The following ANK2 variants were observed in gnomAD, a reference collection of about 807,000 sequenced individuals.
ANK2 encodes the protein ankyrin 2.
A neutral mutation model predicts 360.5 loss-of-function variants in ANK2; 83 were observed. The ratio of observed to expected loss-of-function variants is 0.23; its 90% CI spans 0.19 to 0.28. The LOEUF is 0.28. ANK2 is among the 10% of genes least tolerant of loss of function. The probability of loss-of-function intolerance (pLI) is 1.00; values close to 1 mark genes in which losing one functional copy is unlikely to be tolerated. For missense variants in ANK2, 4,201 were observed against 4,795.7 expected (o/e 0.88, Z 3.66); for synonymous variants, 1,740 against 1,759.5 (o/e 0.99, Z 0.28).
intron 2 of ANK2, among the ~76,000 whole-genome samples, chr4:113,008,109 C>CTTTT (rs57567947): frequency 2.1e-5 from 3 of 143,974 alleles, no homozygotes; most frequent in African/African-American, 7.6e-5. Flanking sequence ...TAAGCTTTTC[C>CTTTT]TTTTTTTTTT....
intron 1 of ANK2, among the ~76,000 whole-genome samples, chr4:113,142,974 T>C (rs1174949311): frequency 6.7e-6 from 1 of 150,008 alleles, no homozygotes; most frequent in Non-Finnish European, 1.5e-5. Context: ...CTTAAATATG[T>C]TTAAAATTAT....
At chr4:112,938,648 A>G (rs1581528480) in intron 2 of ANK2, among the ~76,000 whole-genome samples, 1 of 152,256 alleles carries the variant, frequency 6.6e-6, no homozygotes, top group East Asian at 1.9e-4. Context: ...TATTCGGCTC[A>G]ATCAGACATT....
chr4:113,304,961 C>A (rs1267070918), intron 23 of ANK2, among the ~76,000 whole-genome samples: 1 of 151,804 alleles, frequency 6.6e-6, no homozygotes, highest in East Asian at 1.9e-4. Context: ...TTAAAAATAG[C>A]CCTTTATTTA....
At chr4:113,195,170 A>T (rs974219760) in intron 2 of ANK2, among the ~76,000 whole-genome samples, 1 of 152,110 alleles carries the variant, frequency 6.6e-6, no homozygotes, top group Non-Finnish European at 1.5e-5. Context: ...CCTATCAAGA[A>T]TATCAAGATT....
chr4:112,967,129 G>T (rs1469605008), intron 2 of ANK2, among the ~76,000 whole-genome samples: 1 of 152,116 alleles, frequency 6.6e-6, no homozygotes, highest in Non-Finnish European at 1.5e-5. Context: ...GAAATATGAT[G>T]GTGTTGTACT....
the ANK2 span, among the ~76,000 whole-genome samples, chr4:112,790,970 A>T: frequency 1.2e-4 from 18 of 152,330 alleles, no homozygotes; most frequent in African/African-American, 4.3e-4. Flanking sequence ...AAATTTGAGC[A>T]CTTGTCTAAG....
At chr4:113,198,285 A>C (rs1262906917) in intron 3 of ANK2, among the ~76,000 whole-genome samples, 5 of 152,172 alleles carry the variant, frequency 3.3e-5, no homozygotes, top group Non-Finnish European at 7.4e-5. Flanking sequence ...AGTGAGCTGG[A>C]GACAGAAAGA....
At chr4:112,814,042 A>G (rs1396312319), upstream of ANK2, among the ~76,000 whole-genome samples, 1 of 152,232 alleles carries the variant, frequency 6.6e-6, no homozygotes, top group African/African-American at 2.4e-5. Flanking sequence ...AAAGGAAACA[A>G]AAGAAGTTTA....
intron 1 of ANK2, among the ~76,000 whole-genome samples, chr4:112,896,222 C>T (rs2081685402): frequency 6.6e-6 from 1 of 152,144 alleles, no homozygotes; most frequent in South Asian, 2.1e-4. Flanking sequence ...TGTTTTCCAG[C>T]CATAGGAGGA....
At chr4:112,793,279 C>T in the ANK2 span, among the ~76,000 whole-genome samples, 1 of 151,942 alleles carries the variant, frequency 6.6e-6, no homozygotes, top group Non-Finnish European at 1.5e-5. Context: ...AACAGAATTG[C>T]ACATGTACCC....
chr4:113,130,782 T>A (rs1030509036), intron 1 of ANK2, among the ~76,000 whole-genome samples: 6 of 152,190 alleles, frequency 3.9e-5, no homozygotes, highest in African/African-American at 1.4e-4. Flanking sequence ...TATCCAACAC[T>A]ATTTTTGTGT....
At chr4:112,960,252 TTCTTTTGGG>T (rs1476054129) in intron 2 of ANK2, among the ~76,000 whole-genome samples, 1 of 152,090 alleles carries the variant, frequency 6.6e-6, no homozygotes, top group Non-Finnish European at 1.5e-5. Context: ...GTCCACAACC[TTCTTTTGGG>T]GTCTGGTTGT....
intron 14 of ANK2, among the ~76,000 whole-genome samples, chr4:113,265,631 CTTT>C (rs1227975437): frequency 6.6e-6 from 1 of 152,134 alleles, no homozygotes; most frequent in Non-Finnish European, 1.5e-5. Context: ...CTTTTTCCTT[CTTT>C]TTCTGTTTTT....
intron 2 of ANK2, among the ~76,000 whole-genome samples, chr4:112,907,734 T>C (rs546112514): frequency 3.9e-4 from 59 of 152,332 alleles, no homozygotes; most frequent in African/African-American, 1.3e-3. Flanking sequence ...TTACCTTATA[T>C]TGATAATTTT....
intron 17 of ANK2, among the ~76,000 whole-genome samples, chr4:113,280,426 G>T (rs922660300): frequency 2.6e-5 from 4 of 152,136 alleles, no homozygotes; most frequent in Non-Finnish European, 1.5e-5. Flanking sequence ...AGTAGGATGG[G>T]TATTCTGGGA....
intron 2 of ANK2, among the ~76,000 whole-genome samples, chr4:113,041,423 C>T (rs192796805): frequency 1.0e-3 from 156 of 152,250 alleles, no homozygotes; most frequent in Non-Finnish European, 1.6e-3. Flanking sequence ...CTCTCCAGCT[C>T]TTCATGGGAG....
chr4:112,739,465 T>G, the ANK2 span, among the ~76,000 whole-genome samples: 1 of 151,914 alleles, frequency 6.6e-6, no homozygotes. Flanking sequence ...AATACAAAAA[T>G]TAGCCCGGCG....
At chr4:113,216,317 C>T (rs2099085103) in intron 4 of ANK2, among the ~76,000 whole-genome samples, 1 of 152,300 alleles carries the variant, frequency 6.6e-6, no homozygotes, top group East Asian at 1.9e-4. Flanking sequence ...TTTCTCGAAG[C>T]CTATGCGTAG....
intron 45 of ANK2, among the ~76,000 whole-genome samples, chr4:113,375,697 C>G (rs560071659): frequency 7.3e-5 from 11 of 150,360 alleles, no homozygotes; most frequent in African/African-American, 2.5e-4. Flanking sequence ...TGCCCTCCAG[C>G]CTGGGCAACA....
Sources: gnomAD v4.1 joint callset for allele counts (sites outside exome capture counted in the v4.1 genomes callset) on GRCh38, gnomAD v4.1.1 for gene constraint, MANE v1.5 for transcripts, NCBI Gene and HGNC (gene_info 2026-07-23, HGNC 2026-07-21) for gene names.